Variants in BDP1 observed in about 807,000 individuals in gnomAD.
The protein encoded by BDP1 is transcription factor TFIIIB component B'' homolog.
Under a neutral mutation model 266.6 loss-of-function variants are expected in BDP1, and 169 were observed. That is an observed-to-expected ratio of 0.63 (90% CI 0.56 to 0.72). The LOEUF (loss-of-function observed/expected upper bound fraction) is 0.72, where lower values mean the gene tolerates loss of function less well. Ranked by LOEUF, BDP1 falls within the 30% of genes least tolerant of loss-of-function variation. BDP1 has a pLI of 0.00. For missense variants in BDP1, 3,015 were observed against 3,053.8 expected, an observed-to-expected ratio of 0.99 and a Z score of 0.30; for synonymous variants, 1,090 against 1,022.4, an observed-to-expected ratio of 1.07 and a Z score of -1.26.
At chr5:71,547,064 G>A (rs1742375197) in intron 32 of BDP1, among the ~76,000 whole-genome samples, 1 of 152,004 alleles carries the variant, frequency 6.6e-6, no homozygotes, top group South Asian at 2.1e-4. Context: ...TGTTGGCCAG[G>A]CTGGTCTTGA....
Position 71,567,817 on chromosome 5 carries a change from A to G in BDP1, c.*2932A>G, listed in dbSNP as rs1461756171. ...ATTATGTAAATAAAAGTTATTTTATATCATTTCTGTTGTGTCCTTTTAAGA... is the reference window on the plus strand; with the variant it reads ...ATTATGTAAATAAAAGTTATTTTATGTCATTTCTGTTGTGTCCTTTTAAGA... On this transcript the variant is annotated 3_prime_UTR_variant, in exon 39 of 39. Transcript: ENST00000358731. 6.6e-6 allele frequency: 1 copy of G among 152,242 alleles called. No homozygotes were observed. Among genetic ancestry groups the G allele is most frequent in the Non-Finnish European group, 1.5e-5 (1 of 68,026 alleles). The allele number at this position is 152,242 out of a possible 1,614,324, so 9.4% of individuals were successfully genotyped here.
Position 71,509,484 on chromosome 5 carries a change from G to T in BDP1, c.2392G>T (p.Ala798Ser). Residue 798 changes from alanine to serine, a missense_variant, in exon 17 of 39, where the codon GCA (alanine) becomes TCA (serine). Transcript: ENST00000358731. ...ECLSVQENNK[A>S]NKLNQVPILR... is the part of the protein sequence containing the mutation. The stretch of plus-strand genomic sequence containing the variant: ...TTATAGCGTTCAAGAGAATAATAAG[G>T]CAAATAAACTTAACCAAGTCCCAAT... The T allele has an allele frequency of 1.9e-6, 3 of 1,582,568 alleles. No homozygotes were observed. Among genetic ancestry groups the T allele is most frequent in the Non-Finnish European group, 2.6e-6 (3 of 1,170,926 alleles).
chr5:71,476,689 G>A (rs1272828237), intron 7 of BDP1, among the ~76,000 whole-genome samples: 2 of 151,394 alleles, frequency 1.3e-5, no homozygotes, highest in Non-Finnish European at 2.9e-5. Context: ...TTACAGGCGC[G>A]TGCCACCACG....
intron 17 of BDP1, 170 bp downstream of exon 17, chr5:71,511,321 G>T: frequency 1.5e-6 from 1 of 661,220 alleles, no homozygotes; most frequent in Non-Finnish European, 2.5e-6. Flanking sequence ...GAAACTGTAT[G>T]TTCTTTTTTA....
At chr5:71,552,693 G>A (rs1216648942) in intron 34 of BDP1, among the ~76,000 whole-genome samples, 1 of 152,250 alleles carries the variant, frequency 6.6e-6, no homozygotes. Flanking sequence ...GGTGTCGCGC[G>A]CCTGCAATCG....
chr5:71,506,826 C>CA (rs1764616716), intron 16 of BDP1, among the ~76,000 whole-genome samples: 1 of 136,352 alleles, frequency 7.3e-6, no homozygotes, highest in Non-Finnish European at 1.6e-5. Context: ...CACACACACC[C>CA]ATATTTTTTT....
chr5:71,508,011 G>A lies in BDP1; in HGVS notation c.2373-1454G>A, dbSNP rs532810296. The stretch of plus-strand genomic sequence containing the variant: ...GACAGAGTCTTACTCTGTTGCCCAG[G>A]TGGAGTGCAGTGGCATGATCTTGGC... On this transcript the variant is annotated intron_variant, in intron 16 of 38. Coordinates refer to ENST00000358731, the MANE Select transcript of BDP1 (RefSeq NM_018429.3). Among the ~76,000 whole-genome samples, 25 of 152,246 alleles carry A rather than the reference G, an allele frequency of 1.6e-4. No homozygotes were observed. In the East Asian group the frequency reaches 4.8e-3, roughly 29 times the overall value.
At chr5:71,573,578 CGTCTTTT>C in the BDP1 span, among the ~76,000 whole-genome samples, 1 of 152,192 alleles carries the variant, frequency 6.6e-6, no homozygotes, top group South Asian at 2.1e-4. Context: ...TGGTGCTATG[CGTCTTTT>C]ACCCTTTGAT....
chr5:71,483,319 C>G (rs1052613965), intron 7 of BDP1, among the ~76,000 whole-genome samples: 1 of 152,094 alleles, frequency 6.6e-6, no homozygotes, highest in African/African-American at 2.4e-5. Flanking sequence ...TGGAAGTAAT[C>G]TGGTAGTAAA....
intron 25 of BDP1, 39 bp from the exon 26 acceptor site, chr5:71,532,269 A>G (rs745893138): frequency 6.3e-7 from 1 of 1,599,874 alleles, no homozygotes; most frequent in Admixed American, 1.7e-5. Context: ...TGCTGTTTAT[A>G]ATATGCCAAA....
the BDP1 span, among the ~76,000 whole-genome samples, chr5:71,576,880 C>T: frequency 6.6e-6 from 1 of 150,608 alleles, no homozygotes; most frequent in African/African-American, 2.4e-5. Flanking sequence ...AGGCAGCATT[C>T]CCATTTATGA....
At chr5:71,528,197 C>T (rs966375630) in intron 25 of BDP1, among the ~76,000 whole-genome samples, 5 of 152,198 alleles carry the variant, frequency 3.3e-5, no homozygotes, top group African/African-American at 7.2e-5. Flanking sequence ...TATCATTTTA[C>T]ATCCCTATCA....
At position 71,502,574 on chromosome 5, in the gene BDP1, T is replaced by A. The variant is rs373809735; in HGVS notation, c.2049-25T>A. On this transcript the variant is annotated intron_variant, in intron 14 of 38. Transcript: ENST00000358731. ...AAATTGGTGACTTCAAAATAAACAT[T>A]AATTTTATTTCTTTGTGGTTCTAGT... The A allele has an allele frequency of 1.3e-5, 20 of 1,554,602 alleles. 1 individual carries two copies. In the African/African-American group the frequency reaches 2.8e-4, roughly 22 times the overall value.
At chr5:71,544,559 C>T (rs1282077870) in intron 31 of BDP1, 52 bp downstream of exon 31, 1 of 1,551,336 alleles carries the variant, frequency 6.4e-7, no homozygotes, top group African/African-American at 1.4e-5. Flanking sequence ...TCAGCTATAG[C>T]CTTAAGTTGT....
chr5:71,506,819 A>ACC (rs1354934649), intron 16 of BDP1, among the ~76,000 whole-genome samples: 12 of 77,984 alleles, frequency 1.5e-4, no homozygotes, highest in African/African-American at 3.4e-4. Flanking sequence ...ACACACACAC[A>ACC]CACACCCATA....
intron 25 of BDP1, among the ~76,000 whole-genome samples, chr5:71,531,621 GC>G: frequency 6.6e-6 from 1 of 152,230 alleles, no homozygotes; most frequent in Non-Finnish European, 1.5e-5. Flanking sequence ...CGATTCTCCT[GC>G]CTCAGCCTCC....
chr5:71,475,907 G>A (rs1232192481), intron 7 of BDP1: 1 of 152,476 alleles, frequency 6.6e-6, no homozygotes, highest in African/African-American at 2.4e-5. Context: ...TTGTGATTGT[G>A]TGGTCAGCTT....
At position 71,495,366 on chromosome 5, in the gene BDP1, G is replaced by C; in HGVS notation, c.1757G>C (p.Ser586Thr). The change falls in exon 12 of 39, where the codon AGT becomes ACT. Residue 586 changes from serine to threonine, a missense_variant. By Grantham distance (58) the Ser-to-Thr change is moderately conservative. Around this residue, in one of 3 missense-constraint regions of BDP1, gnomAD observed 2,383 missense variants for 2,404.9 expected, o/e 0.99. Coordinates refer to ENST00000358731, the MANE Select transcript of BDP1 (RefSeq NM_018429.3). The part of the protein sequence containing the change: ...ALCEVNNAEG[S>T]CIEERNVDLK... ...TGTGAGGTGAATAATGCTGAGGGTA[G>C]TTGTATAGAAGAAAGAAATGTTGAC... 6.3e-7 allele frequency: 1 copy of C among 1,594,312 alleles called. No homozygotes were observed.
chr5:71,481,391 G>GAAAAAAAAAAAAAAAAAAAAAA (rs58798987), intron 7 of BDP1, among the ~76,000 whole-genome samples: 3 of 63,842 alleles, frequency 4.7e-5, no homozygotes, highest in Non-Finnish European at 8.0e-5. Flanking sequence ...TCTCTACAAA[G>GAAAAAAAAAAAAAAAAAAAAAA]AAAAAAAAAA....
Sources: allele counts gnomAD v4.1 joint callset (sites outside exome capture counted in the v4.1 genomes callset), GRCh38; gene constraint gnomAD v4.1.1; regional missense constraint gnomAD v4.1.1; transcripts MANE v1.5; gene names NCBI Gene and HGNC (gene_info 2026-07-23, HGNC 2026-07-21).